CTNND2: variants seen among roughly 807,000 people sequenced by gnomAD.
CTNND2 encodes the protein catenin delta-2.
CTNND2 carries 22 observed loss-of-function variants against 144.4 expected under a neutral mutation model. That is an observed-to-expected ratio of 0.15 (90% CI 0.11 to 0.22). The LOEUF is 0.22. Among genes scored for constraint, CTNND2 ranks in the 10% least tolerant of loss-of-function variants. The pLI is 1.00. For synonymous variants in CTNND2, 751 were observed against 695.6 expected (o/e 1.08, Z -1.25); for missense variants, 1,353 against 1,618.8 (o/e 0.84, Z 2.82).
intron 1 of CTNND2, among the ~76,000 whole-genome samples, chr5:11,742,176 A>T (rs1378133425): frequency 6.6e-6 from 1 of 152,062 alleles, no homozygotes; most frequent in East Asian, 1.9e-4. Context: ...ACCAACCACC[A>T]CCTGTTACCC....
intron 19 of CTNND2, among the ~76,000 whole-genome samples, chr5:10,991,406 A>AGCT (rs1390835205): frequency 7.9e-5 from 12 of 152,324 alleles, no homozygotes; most frequent in African/African-American, 2.6e-4. Context: ...GAGCCTACAT[A>AGCT]GCTGTCATCT....
chr5:11,517,771 C>A (rs1206957204), intron 3 of CTNND2, among the ~76,000 whole-genome samples: 37 of 150,594 alleles, frequency 2.5e-4, no homozygotes, highest in Admixed American at 2.5e-3. Context: ...CCTGTGTATC[C>A]CAGAACTTAA....
chr5:11,831,866 TC>T, intron 1 of CTNND2, among the ~76,000 whole-genome samples: 1 of 152,170 alleles, frequency 6.6e-6, no homozygotes, highest in Non-Finnish European at 1.5e-5. Flanking sequence ...TAATCATAGA[TC>T]TAATGTAAAA....
intron 9 of CTNND2, among the ~76,000 whole-genome samples, chr5:11,319,454 T>C (rs1488027927): frequency 6.6e-6 from 1 of 152,210 alleles, no homozygotes; most frequent in Non-Finnish European, 1.5e-5. Context: ...TGTGAAGTCA[T>C]TTGCAAAGTT....
At chr5:11,813,028 T>C (rs998753922) in intron 1 of CTNND2, among the ~76,000 whole-genome samples, 1 of 152,182 alleles carries the variant, frequency 6.6e-6, no homozygotes, top group Non-Finnish European at 1.5e-5. Context: ...AGAATCTTAT[T>C]TGTAGAGTCA....
chr5:11,599,318 T>C (rs1208268379), intron 2 of CTNND2, among the ~76,000 whole-genome samples: 1 of 152,108 alleles, frequency 6.6e-6, no homozygotes, highest in Non-Finnish European at 1.5e-5. Context: ...AAATTAATAA[T>C]AAGGGTTAAA....
At chr5:11,501,553 C>G (rs540068771) in intron 3 of CTNND2, among the ~76,000 whole-genome samples, 108 of 152,302 alleles carry the variant, frequency 7.1e-4, no homozygotes, top group African/African-American at 2.5e-3. Context: ...CAATCCAATT[C>G]AACAAATACT....
At chr5:11,460,688 C>A (rs1366450174) in intron 3 of CTNND2, among the ~76,000 whole-genome samples, 3 of 152,154 alleles carry the variant, frequency 2.0e-5, no homozygotes, top group Non-Finnish European at 4.4e-5. Flanking sequence ...TCAGATACAG[C>A]TCACTCCCTT....
At chr5:11,248,561 A>G (rs1475071000) in intron 9 of CTNND2, among the ~76,000 whole-genome samples, 1 of 152,204 alleles carries the variant, frequency 6.6e-6, no homozygotes, top group African/African-American at 2.4e-5. Context: ...CATAGACTAG[A>G]GCACACTTTC....
At chr5:11,027,279 C>T (rs182725409) in intron 16 of CTNND2, 36 of 152,250 alleles carry the variant, frequency 2.4e-4, no homozygotes, top group African/African-American at 7.2e-4. Flanking sequence ...AAAGATAATA[C>T]ATAAATTTGT....
intron 7 of CTNND2, among the ~76,000 whole-genome samples, chr5:11,374,426 G>A (rs2149785654): frequency 6.6e-6 from 1 of 152,258 alleles, no homozygotes; most frequent in South Asian, 2.1e-4. Flanking sequence ...TCTCCTCCCT[G>A]GGAGTAGCTT....
intron 1 of CTNND2, among the ~76,000 whole-genome samples, chr5:11,865,935 T>C (rs1795750400): frequency 1.7e-5 from 2 of 120,890 alleles, no homozygotes; most frequent in Admixed American, 1.9e-4. Context: ...CTCTAGAGCC[T>C]CCAGAAAGGA....
At chr5:11,820,514 G>C (rs11948842) in intron 1 of CTNND2, among the ~76,000 whole-genome samples, 139,363 of 152,266 alleles carry the variant, frequency 0.92, 64,831 homozygotes, top group East Asian at 1. Context: ...ACTCTATGGT[G>C]AATTAGTAAA....
At chr5:11,082,997 T>G in intron 15 of CTNND2, 151 bp from the exon 16 acceptor site, 1 of 859,904 alleles carries the variant, frequency 1.2e-6, no homozygotes, top group Admixed American at 2.9e-5. Flanking sequence ...ACGTTAGACA[T>G]GCATTTAAAC....
chr5:11,076,778 G>A (rs1366760762), intron 16 of CTNND2, among the ~76,000 whole-genome samples: 1 of 152,178 alleles, frequency 6.6e-6, no homozygotes, highest in Non-Finnish European at 1.5e-5. Flanking sequence ...CCTATTTAGA[G>A]TTTCCCCGAT....
At chr5:11,213,832 T>C (rs1738891697) in intron 10 of CTNND2, among the ~76,000 whole-genome samples, 1 of 149,588 alleles carries the variant, frequency 6.7e-6, no homozygotes, top group Non-Finnish European at 1.5e-5. Flanking sequence ...TATATATATA[T>C]AGTATAATGT....
At chr5:11,374,177 C>A (rs1311749102) in intron 7 of CTNND2, among the ~76,000 whole-genome samples, 1 of 152,104 alleles carries the variant, frequency 6.6e-6, no homozygotes, top group Non-Finnish European at 1.5e-5. Flanking sequence ...AGGGAAAAGA[C>A]CCCTAGAAAG....
intron 9 of CTNND2, among the ~76,000 whole-genome samples, chr5:11,301,054 T>C (rs2150032639): frequency 6.6e-6 from 1 of 152,198 alleles, no homozygotes; most frequent in African/African-American, 2.4e-5. Flanking sequence ...TGGGCTGGGC[T>C]GGGCTGGGCT....
chr5:11,355,944 T>C (rs915801266), intron 8 of CTNND2, among the ~76,000 whole-genome samples: 7 of 152,060 alleles, frequency 4.6e-5, no homozygotes, highest in African/African-American at 1.7e-4. Flanking sequence ...CTATTTATAA[T>C]ATTAATAGCT....
Sources: allele counts gnomAD v4.1 joint callset (sites outside exome capture counted in the v4.1 genomes callset), GRCh38; gene constraint gnomAD v4.1.1; transcripts MANE v1.5; gene names NCBI Gene and HGNC (gene_info 2026-07-23, HGNC 2026-07-21).